The following RXFP2 variants were observed in gnomAD, a reference collection of about 807,000 sequenced individuals.
RXFP2 encodes relaxin receptor 2.
RXFP2 carries 68 observed loss-of-function variants against 88.6 expected under a neutral mutation model. The observed-to-expected ratio is 0.77, with a 90% CI of 0.63 to 0.94. RXFP2 has a LOEUF of 0.94. Ranked by LOEUF, RXFP2 falls within the 40% of genes least tolerant of loss-of-function variation. The pLI, the probability that RXFP2 is intolerant of heterozygous loss-of-function variation, is 0.00. For synonymous variants in RXFP2, 329 were observed against 306.8 expected (o/e 1.07, Z -0.76); for missense variants, 791 against 893.9 (o/e 0.88, Z 1.47).
intron 1 of RXFP2, among the ~76,000 whole-genome samples, chr13:31,751,491 C>G (rs975842356): frequency 2.6e-5 from 4 of 152,096 alleles, no homozygotes; most frequent in African/African-American, 9.7e-5. Flanking sequence ...GTGCAGTTTC[C>G]ACACACTCAG....
intron 9 of RXFP2, 28 bp downstream of exon 9, chr13:31,778,611 T>C (rs751041507): frequency 4.1e-6 from 6 of 1,467,528 alleles, no homozygotes; most frequent in Non-Finnish European, 4.8e-6. Context: ...AATTAATTTG[T>C]TATTTGCCCT....
chr13:31,761,182 A>G (rs1872284511), intron 2 of RXFP2, among the ~76,000 whole-genome samples: 1 of 151,876 alleles, frequency 6.6e-6, no homozygotes, highest in Non-Finnish European at 1.5e-5. Flanking sequence ...TTGAACTCCT[A>G]CATGCAAGTG....
chr13:31,781,326 T>G (rs540092309), intron 9 of RXFP2, among the ~76,000 whole-genome samples: 1 of 152,274 alleles, frequency 6.6e-6, no homozygotes, highest in Admixed American at 6.5e-5. Context: ...AGCAGCAATT[T>G]GGCAGGAGTG....
At position 31,786,261 on chromosome 13, in the gene RXFP2, G is replaced by T. The variant is rs1873533347; in HGVS notation, c.930-122G>T. ...GGCCCTGTTGTGTAACAAGTTATCA[G>T]GTTGGTTAAATTGGATTCATATTTT... On this transcript the variant is annotated intron_variant, in intron 11 of 17. Coordinates refer to ENST00000298386, the MANE Select transcript of RXFP2 (RefSeq NM_130806.5). 6.4e-6 allele frequency: 5 copies of T among 784,434 alleles called. No individual in the cohort carries two copies. The Admixed American group carries it at 9.6e-5, about 15-fold the overall frequency. 48.6% of individuals were successfully genotyped at this position (784,434 alleles called of 1,614,324 possible). A position where few individuals can be genotyped will look rare whatever the true frequency, so the allele number is the denominator to read the frequency against.
At chr13:31,756,929 TTA>T (rs1491125075) in intron 1 of RXFP2, among the ~76,000 whole-genome samples, 5 of 152,076 alleles carry the variant, frequency 3.3e-5, no homozygotes, top group Admixed American at 2.6e-4. Context: ...AGGACTCTTT[TTA>T]AAAAAAACAT....
At chr13:31,801,344 C>T (rs9549183) in intron 17 of RXFP2, among the ~76,000 whole-genome samples, 13,028 of 151,956 alleles carry the variant, frequency 0.086, 570 homozygotes, top group Middle Eastern at 0.14. Flanking sequence ...TGGCCCAGCC[C>T]GCTGGATTCA....
chr13:31,771,559 G>C (rs942860015), intron 5 of RXFP2, among the ~76,000 whole-genome samples: 20 of 152,168 alleles, frequency 1.3e-4, no homozygotes, highest in African/African-American at 4.8e-4. Context: ...CAGAGGCTGA[G>C]GCAGGTGGAT....
intron 17 of RXFP2, among the ~76,000 whole-genome samples, chr13:31,801,674 T>C (rs1187254985): frequency 2.6e-5 from 4 of 152,276 alleles, no homozygotes; most frequent in South Asian, 2.1e-4. Context: ...AAGCTTTTAA[T>C]AGGATAACAG....
At chr13:31,787,592 C>A (rs1337705002) in intron 13 of RXFP2, among the ~76,000 whole-genome samples, 1 of 152,094 alleles carries the variant, frequency 6.6e-6, no homozygotes, top group Non-Finnish European at 1.5e-5. Context: ...TTATTACATA[C>A]TTTTCTTTAT....
At chr13:31,742,046 A>C (rs1871241136) in intron 1 of RXFP2, among the ~76,000 whole-genome samples, 1 of 152,180 alleles carries the variant, frequency 6.6e-6, no homozygotes, top group Admixed American at 6.5e-5. Context: ...TGTCTCTAAG[A>C]GTAAACATCT....
chr13:31,774,703 C>G lies in RXFP2; in HGVS notation c.569+12C>G. 2 of 1,329,436 alleles carry G rather than the reference C, an allele frequency of 1.5e-6. No homozygotes were observed. Among genetic ancestry groups the G allele is most frequent in the Non-Finnish European group, 1.1e-6 (1 of 920,780 alleles). The allele number at this position is 1,329,436 out of a possible 1,614,324, so 82.4% of individuals were successfully genotyped here. On this transcript the variant is annotated intron_variant, in intron 6 of 17. Coordinates refer to ENST00000298386, the MANE Select transcript of RXFP2 (RefSeq NM_130806.5). ...AATCTGCAAATATTGTGAGTAACCT[C>G]TTTCTCATATTGTAGGTATAATTTT... is the stretch of plus-strand genomic sequence containing the variant.
intron 16 of RXFP2, 27 bp from the exon 17 acceptor site, chr13:31,797,174 A>G (rs374155479): frequency 4.1e-6 from 6 of 1,465,924 alleles, no homozygotes; most frequent in Non-Finnish European, 5.7e-6. Context: ...TACGCCTGAG[A>G]TGTTAAAAGT....
intron 1 of RXFP2, among the ~76,000 whole-genome samples, chr13:31,742,806 G>C (rs111697986): frequency 5.2e-4 from 79 of 152,250 alleles, no homozygotes; most frequent in African/African-American, 1.8e-3. Context: ...AATTAGCAAA[G>C]AATGATTTTG....
intron 16 of RXFP2, among the ~76,000 whole-genome samples, chr13:31,796,472 T>C (rs1874054271): frequency 6.6e-6 from 1 of 152,082 alleles, no homozygotes; most frequent in Non-Finnish European, 1.5e-5. Context: ...TGGGGTTGTT[T>C]TTATTTTTTG....
At chr13:31,799,587 A>G (rs979316851) in intron 17 of RXFP2, among the ~76,000 whole-genome samples, 1 of 152,160 alleles carries the variant, frequency 6.6e-6, no homozygotes, top group Non-Finnish European at 1.5e-5. Context: ...AGAAGGACCC[A>G]GCAACAAGTA....
At chr13:31,763,678 G>T (rs1228317121) in intron 3 of RXFP2, among the ~76,000 whole-genome samples, 3 of 152,196 alleles carry the variant, frequency 2.0e-5, no homozygotes, top group African/African-American at 7.2e-5. Context: ...ATGGGGACAT[G>T]ATTGGTTTGC....
At chr13:31,756,578 C>G (rs1424456931) in intron 1 of RXFP2, among the ~76,000 whole-genome samples, 2 of 151,860 alleles carry the variant, frequency 1.3e-5, no homozygotes, top group African/African-American at 4.8e-5. Context: ...TATAGACATT[C>G]CTGTGTCTAC....
chr13:31,770,061 G>C lies in RXFP2; in HGVS notation c.497+4034G>C, dbSNP rs1872681632. 5.3e-5 allele frequency among the ~76,000 whole-genome samples: 8 copies of C among 152,248 alleles called. No homozygotes were observed. The South Asian group carries it at 1.7e-3, about 32-fold the overall frequency. On this transcript the variant is annotated intron_variant, in intron 5 of 17. Transcript: ENST00000298386. ...TTTGTCCATAAAAAATTATAAAACT[G>C]CTTGATCAATGCCCAGTAGACATGT...
At chr13:31,747,043 T>C (rs1233731803) in intron 1 of RXFP2, among the ~76,000 whole-genome samples, 2 of 152,214 alleles carry the variant, frequency 1.3e-5, no homozygotes, top group African/African-American at 4.8e-5. Flanking sequence ...GTTTCCTGTT[T>C]CCCACTTTAA....
Sources: allele counts gnomAD v4.1 joint callset (sites outside exome capture counted in the v4.1 genomes callset), GRCh38; gene constraint gnomAD v4.1.1; transcripts MANE v1.5; gene names NCBI Gene and HGNC (gene_info 2026-07-23, HGNC 2026-07-21).